The following SNRNP200 variants were observed in gnomAD, a reference collection of about 807,000 sequenced individuals.
SNRNP200 encodes the protein small nuclear ribonucleoprotein U5 subunit 200, also known as U5 small nuclear ribonucleoprotein 200 kDa helicase.
In SNRNP200, 66 loss-of-function variants were observed where a neutral mutation model predicts 255.2. The ratio of observed to expected loss-of-function variants is 0.26; its 90% CI spans 0.21 to 0.32. The LOEUF (loss-of-function observed/expected upper bound fraction) is 0.32, where lower values mean the gene tolerates loss of function less well. Among genes scored for constraint, SNRNP200 ranks in the 10% least tolerant of loss-of-function variants. The pLI, the probability that SNRNP200 is intolerant of heterozygous loss-of-function variation, is 1.00. For missense variants in SNRNP200, 1,585 were observed against 2,749.8 expected, an observed-to-expected ratio of 0.58 and a Z score of 9.47; for synonymous variants, 939 against 1,027.8, an observed-to-expected ratio of 0.91 and a Z score of 1.65.
chr2:96,296,847 G>T, intron 12 of SNRNP200, 86 bp downstream of exon 12: 1 of 1,571,886 alleles, frequency 6.4e-7, no homozygotes, highest in Non-Finnish European at 8.8e-7. Context: ...AAGAATTAGG[G>T]GGTGGGGGTG....
chr2:96,292,289 G>C (rs989416214), intron 16 of SNRNP200, among the ~76,000 whole-genome samples: 3 of 152,206 alleles, frequency 2.0e-5, no homozygotes, highest in African/African-American at 7.2e-5. Context: ...AAAGGATTTA[G>C]GAAATAAGTC....
intron 14 of SNRNP200, 90 bp from the exon 15 acceptor site, chr2:96,293,599 T>C: frequency 8.3e-7 from 1 of 1,204,626 alleles, no homozygotes; most frequent in Non-Finnish European, 1.2e-6. Context: ...GCATATAACC[T>C]AATATGCCTA....
chr2:96,276,861 T>A, intron 43 of SNRNP200, 43 bp downstream of exon 43: 1 of 1,585,594 alleles, frequency 6.3e-7, no homozygotes, highest in Non-Finnish European at 8.7e-7. Context: ...AGCCAATGGA[T>A]AGGGTGAGTT....
chr2:96,290,258 C>A lies in SNRNP200; in HGVS notation c.2742+68G>T. 1 of 1,553,986 alleles carries A rather than the reference C, an allele frequency of 6.4e-7. No individual in the cohort carries two copies. Among genetic ancestry groups the A allele is most frequent in the Non-Finnish European group, 8.9e-7 (1 of 1,127,236 alleles). On this transcript the variant is annotated intron_variant, in intron 20 of 44. Transcript: ENST00000323853. This position sits in a 1 kb window ranked among gnomAD's most constrained non-coding sequence, Gnocchi z 4.5. ...CTGCTGGCCCGCAGCACAATAGGGA[C>A]CGACCCACTCCTGGTGCCTTGGTGT...
intron 5 of SNRNP200, among the ~76,000 whole-genome samples, chr2:96,299,690 T>C (rs1019230538): frequency 2.0e-5 from 3 of 152,172 alleles, no homozygotes; most frequent in Admixed American, 1.3e-4. Flanking sequence ...CTCTCTCTAA[T>C]ACACACACAA....
chr2:96,278,169 A>T lies in SNRNP200; in HGVS notation c.5610+68T>A, dbSNP rs921585396. 1.2e-6 allele frequency: 2 copies of T among 1,611,900 alleles called. No individual in the cohort carries two copies. Among genetic ancestry groups the T allele is most frequent in the African/African-American group, 2.7e-5 (2 of 74,898 alleles). Reference sequence around the variant, plus strand: ...TGGGCGTGTTGGTGGCAGGGATGCCATGTGCTCTGGGCACACAGGCCGAGT... The same window carrying T: ...TGGGCGTGTTGGTGGCAGGGATGCCTTGTGCTCTGGGCACACAGGCCGAGT... On this transcript the variant is annotated intron_variant, in intron 39 of 44. Coordinates refer to ENST00000323853, the MANE Select transcript of SNRNP200 (RefSeq NM_014014.5). The surrounding 1 kb of genome is among the most constrained non-coding windows in gnomAD (Gnocchi z 6.9).
In SNRNP200 at chr2:96,283,552, T is replaced by C; in HGVS notation, c.4746A>G (p.Ala1582=). 2 of 1,614,144 alleles carry C rather than the reference T, an allele frequency of 1.2e-6. No individual in the cohort carries two copies. Among genetic ancestry groups the C allele is most frequent in the Non-Finnish European group, 1.7e-6 (2 of 1,180,036 alleles). The part of the protein sequence containing the change: ...TAIDILTTCA[A]DIQRQRFLHC... Reference sequence around the variant, plus strand: ...CCACCTACCTCTGCCGTTGGATGTCTGCTGCACAGGTGGTGAGGATGTCAA... The same window carrying C: ...CCACCTACCTCTGCCGTTGGATGTCCGCTGCACAGGTGGTGAGGATGTCAA... The change falls in exon 33 of 45, where the codon GCA becomes GCG. Residue 1582 remains alanine, a synonymous_variant. Coordinates refer to ENST00000323853, the MANE Select transcript of SNRNP200 (RefSeq NM_014014.5). The surrounding 1 kb of genome is among the most constrained non-coding windows in gnomAD (Gnocchi z 4.7).
intron 21 of SNRNP200, 138 bp downstream of exon 21, chr2:96,289,661 G>A: frequency 1.2e-6 from 1 of 823,166 alleles, no homozygotes; most frequent in Non-Finnish European, 2.1e-6. Context: ...TATGGGAAAA[G>A]CTACCCATTT....
chr2:96,297,408 C>T lies in SNRNP200; in HGVS notation c.1332G>A (p.Glu444=), dbSNP rs1378367382. ...TGGGCTTCAGAGCAGGCACATGCAC[C>T]TCTTCATAGCCCTTACGCTGGCGAC... ...SFRRQRKGYE[E]VHVPALKPKP... Residue 444 remains glutamate, a synonymous_variant, in exon 11 of 45, where the codon GAG becomes GAA. Coordinates refer to ENST00000323853, the MANE Select transcript of SNRNP200 (RefSeq NM_014014.5). The T allele has an allele frequency of 2.5e-6, 4 of 1,614,164 alleles. No individual in the cohort carries two copies. Among genetic ancestry groups the T allele is most frequent in the Non-Finnish European group, 3.4e-6 (4 of 1,180,034 alleles).
At chr2:96,305,230 T>C (rs559775007) in intron 1 of SNRNP200, among the ~76,000 whole-genome samples, 163 bp downstream of exon 1, 2 of 152,248 alleles carry the variant, frequency 1.3e-5, no homozygotes, top group African/African-American at 2.4e-5. Flanking sequence ...CAGACCCCAG[T>C]AGGTTATTCA....
At chr2:96,300,339 G>GA (rs1463042994) in intron 5 of SNRNP200, among the ~76,000 whole-genome samples, 4 of 152,154 alleles carry the variant, frequency 2.6e-5, no homozygotes, top group Admixed American at 2.6e-4. Context: ...ATACAGTAAT[G>GA]AAAAATGGGA....
In SNRNP200 at chr2:96,277,825, C is replaced by T. The variant is rs769041972; in HGVS notation, c.5736G>A (p.Thr1912=). ...ACTCTACCTTACTAAGGATTTCCTCCGTATCTGACTGCAACTCAGCACTCA... is the reference window on the plus strand; with the variant it reads ...ACTCTACCTTACTAAGGATTTCCTCTGTATCTGACTGCAACTCAGCACTCA... ...MQLSAELQSD[T]EEILSKAIRL... is the part of the protein sequence containing the mutation. Residue 1912 remains threonine (T), a synonymous_variant, in exon 40 of 45, where the codon ACG becomes ACA. Coordinates refer to ENST00000323853, the MANE Select transcript of SNRNP200 (RefSeq NM_014014.5). This position sits in a 1 kb window ranked among gnomAD's most constrained non-coding sequence, Gnocchi z 4.4. 5 of 1,614,246 alleles carry T rather than the reference C, an allele frequency of 3.1e-6. No homozygotes were observed. The East Asian group carries it at 6.7e-5, about 22-fold the overall frequency.
intron 35 of SNRNP200, among the ~76,000 whole-genome samples, chr2:96,280,506 C>A (rs990884161): frequency 6.6e-6 from 1 of 151,626 alleles, no homozygotes; most frequent in Admixed American, 6.6e-5. Flanking sequence ...AAAAAAAAAA[C>A]AACAACAAAT....
Position 96,289,336 on chromosome 2 carries a change from T to C in SNRNP200, c.2984A>G (p.Asn995Ser), listed in dbSNP as rs143494993. Reference protein sequence around the residue: ...GRIASHYYITNDTVQTYNQLL... With the variant: ...GRIASHYYITSDTVQTYNQLL... ...CTGGTTGTAAGTCTGCACTGTATCA[T>C]TGGTGATGTAGTAGTGGCTGGCTAT... The change falls in exon 22 of 45, where the codon AAT becomes AGT. Residue 995 changes from asparagine to serine, a missense_variant. Asn to Ser is a conservative substitution (Grantham distance 46, BLOSUM62 1). Transcript: ENST00000323853. 116 of 1,614,028 alleles carry C rather than the reference T, an allele frequency of 7.2e-5. No homozygotes were observed. The highest frequency in any genetic ancestry group is 1.6e-4 in the Middle Eastern group (1 of 6,082).
intron 43 of SNRNP200, among the ~76,000 whole-genome samples, chr2:96,275,727 G>A (rs1684643621): frequency 6.6e-6 from 1 of 152,246 alleles, no homozygotes; most frequent in Non-Finnish European, 1.5e-5. Context: ...CTTAGGCTGG[G>A]CGCGGTGGCT....
At chr2:96,284,166 C>T (rs1468311340) in intron 31 of SNRNP200, 162 bp from the exon 32 acceptor site, 1 of 850,882 alleles carries the variant, frequency 1.2e-6, no homozygotes, top group Admixed American at 2.0e-5. Flanking sequence ...GGCAGCCAAC[C>T]TCCACTAAAC....
Position 96,275,040 on chromosome 2 carries a change from T to G in SNRNP200, c.6383A>C (p.Glu2128Ala). The change falls in exon 45 of 45, where the codon GAA becomes GCA. Residue 2128 changes from glutamate to alanine, a missense_variant. Physicochemically the swap from Glu to Ala is moderately radical, Grantham distance 107 (BLOSUM62 -1). This residue lies in a region of SNRNP200 where 279 missense variants were observed against 551.2 expected (regional missense o/e 0.51). Coordinates refer to ENST00000323853, the MANE Select transcript of SNRNP200 (RefSeq NM_014014.5). The part of the protein sequence containing the change: ...QEYKFSVDVK[E>A]AETDSDSD ...ATCTGAATCACTGTCTGTCTCAGCT[T>G]CTTTCACATCCACGCTGAATTTGTA... 1 of 1,614,260 alleles carries G rather than the reference T, an allele frequency of 6.2e-7. No individual in the cohort carries two copies. Among genetic ancestry groups the G allele is most frequent in the Non-Finnish European group, 8.5e-7 (1 of 1,180,050 alleles).
Position 96,286,447 on chromosome 2 carries a change from C to G in SNRNP200, c.3867G>C (p.Leu1289=), listed in dbSNP as rs1277412119. The change falls in exon 29 of 45, where the codon CTG becomes CTC. Residue 1289 remains leucine, a synonymous_variant. Coordinates refer to ENST00000323853, the MANE Select transcript of SNRNP200 (RefSeq NM_014014.5). The surrounding 1 kb of genome is among the most constrained non-coding windows in gnomAD (Gnocchi z 4.8). ...GAGGGGGGTACTTCTCCGGCAAGATCAGGTGCCGGAAGGAGACAGGCAGCT... is the reference window on the plus strand; with the variant it reads ...GAGGGGGGTACTTCTCCGGCAAGATGAGGTGCCGGAAGGAGACAGGCAGCT... ...ETQLPVSFRH[L]ILPEKYPPPT... is the part of the protein sequence containing the mutation. The G allele has an allele frequency of 6.2e-7, 1 of 1,614,168 alleles. No homozygotes were observed. Among genetic ancestry groups the G allele is most frequent in the Non-Finnish European group, 8.5e-7 (1 of 1,180,020 alleles).
At position 96,279,600 on chromosome 2, in the gene SNRNP200, C is replaced by T. The variant is rs752904911; in HGVS notation, c.5025-41G>A. The T allele has an allele frequency of 2.3e-6, 3 of 1,327,314 alleles. No homozygotes were observed. In the African/African-American group the frequency reaches 4.3e-5, roughly 19 times the overall value. The allele number at this position is 1,327,314 out of a possible 1,614,324, so 82.2% of individuals were successfully genotyped here. On this transcript the variant is annotated intron_variant, in intron 35 of 44. Transcript: ENST00000323853. ...GGGAAAGAAGGAAAAGCCACCTCAA[C>T]ACGGAGACCATGCTCAGGAAGCCCA... is the stretch of plus-strand genomic sequence containing the variant.
Sources: gnomAD v4.1 joint callset for allele counts (sites outside exome capture counted in the v4.1 genomes callset) on GRCh38, gnomAD v4.1.1 for gene constraint, gnomAD v4.1.1 regional missense constraint, Gnocchi (gnomAD v3.1) non-coding constraint, MANE v1.5 for transcripts, NCBI Gene and HGNC (gene_info 2026-07-23, HGNC 2026-07-21) for gene names.